The following MACROD2 variants were observed in gnomAD, a reference collection of about 807,000 sequenced individuals.
MACROD2 encodes the protein ADP-ribose glycohydrolase MACROD2.
Under a neutral mutation model 70.4 loss-of-function variants are expected in MACROD2, and 36 were observed. That is an observed-to-expected ratio of 0.51 (90% CI 0.39 to 0.68). MACROD2 has a LOEUF of 0.68. MACROD2 is among the 30% of genes least tolerant of loss of function. The pLI, the probability that MACROD2 is intolerant of heterozygous loss-of-function variation, is 0.00. For missense variants in MACROD2, 496 were observed against 538.4 expected (o/e 0.92, Z 0.78); for synonymous variants, 172 against 178.8 (o/e 0.96, Z 0.30).
At chr20:14,711,698 G>T (rs1035587264) in intron 5 of MACROD2, among the ~76,000 whole-genome samples, 8 of 152,010 alleles carry the variant, frequency 5.3e-5, no homozygotes, top group African/African-American at 1.9e-4. Context: ...CCCATTTTCA[G>T]AACTCTTCCA....
At chr20:14,755,541 C>T (rs763274740) in intron 5 of MACROD2, among the ~76,000 whole-genome samples, 1 of 152,024 alleles carries the variant, frequency 6.6e-6, no homozygotes, top group Admixed American at 6.5e-5. Context: ...AATTCATTGA[C>T]TATATAGCCT....
chr20:14,061,426 A>T (rs1270830193), intron 2 of MACROD2, among the ~76,000 whole-genome samples: 1 of 152,020 alleles, frequency 6.6e-6, no homozygotes, highest in African/African-American at 2.4e-5. Flanking sequence ...CTCCTTCAGG[A>T]CTGGTGCTTC....
intron 5 of MACROD2, among the ~76,000 whole-genome samples, chr20:14,995,905 T>G (rs970287053): frequency 2.6e-5 from 4 of 152,130 alleles, no homozygotes; most frequent in African/African-American, 9.7e-5. Context: ...AAACTTTCAG[T>G]TGAAGAAGCT....
At chr20:14,403,708 G>T (rs1315037654) in intron 3 of MACROD2, among the ~76,000 whole-genome samples, 1 of 152,100 alleles carries the variant, frequency 6.6e-6, no homozygotes, top group Admixed American at 6.6e-5. Context: ...TGTCAAAAAT[G>T]CTGCAAAATG....
intron 5 of MACROD2, among the ~76,000 whole-genome samples, chr20:15,044,746 C>T (rs1446657982): frequency 9.9e-5 from 15 of 152,156 alleles, no homozygotes. Context: ...CAGGGAATGT[C>T]ACTAGCTCTG....
intron 2 of MACROD2, among the ~76,000 whole-genome samples, chr20:14,054,859 G>T (rs1298698138): frequency 6.6e-6 from 1 of 152,068 alleles, no homozygotes; most frequent in Non-Finnish European, 1.5e-5. Flanking sequence ...TATTTTAGAA[G>T]AATTATTTAT....
At chr20:14,284,914 A>C (rs928925754) in intron 3 of MACROD2, among the ~76,000 whole-genome samples, 1 of 152,168 alleles carries the variant, frequency 6.6e-6, no homozygotes, top group African/African-American at 2.4e-5. Context: ...ATTATAACAA[A>C]CTCTTGATTA....
chr20:14,655,328 TG>T, intron 4 of MACROD2, among the ~76,000 whole-genome samples: 1 of 148,164 alleles, frequency 6.7e-6, no homozygotes, highest in Non-Finnish European at 1.5e-5. Flanking sequence ...ACTGTGTGTG[TG>T]TGTGTGTGTG....
At chr20:13,998,691 C>T (rs1050848741) in intron 1 of MACROD2, among the ~76,000 whole-genome samples, 1 of 152,226 alleles carries the variant, frequency 6.6e-6, no homozygotes, top group Middle Eastern at 3.4e-3. Context: ...CGCGGTGGCT[C>T]ACACCTGTAA....
chr20:14,418,732 C>A (rs941771230), intron 3 of MACROD2, among the ~76,000 whole-genome samples: 1 of 152,222 alleles, frequency 6.6e-6, no homozygotes, highest in African/African-American at 2.4e-5. Flanking sequence ...CTTGTTTTCA[C>A]TGAGAGAACA....
At chr20:14,000,003 A>G (rs544770528) in intron 1 of MACROD2, among the ~76,000 whole-genome samples, 7 of 152,092 alleles carry the variant, frequency 4.6e-5, no homozygotes, top group African/African-American at 1.4e-4. Context: ...ACAGAGCAAG[A>G]CTCTGTCTCA....
intron 5 of MACROD2, among the ~76,000 whole-genome samples, chr20:15,076,608 G>C (rs1022985536): frequency 6.6e-6 from 1 of 152,136 alleles, no homozygotes; most frequent in Non-Finnish European, 1.5e-5. Context: ...GTCTGTAGGA[G>C]ATATAGCTAC....
At chr20:15,827,437 A>G (rs901440070) in intron 8 of MACROD2, among the ~76,000 whole-genome samples, 2 of 152,228 alleles carry the variant, frequency 1.3e-5, no homozygotes, top group African/African-American at 4.8e-5. Context: ...AAATAAGATG[A>G]AAATTGCAAG....
intron 6 of MACROD2, among the ~76,000 whole-genome samples, chr20:15,406,724 C>A (rs1421591034): frequency 6.6e-6 from 1 of 152,138 alleles, no homozygotes; most frequent in Non-Finnish European, 1.5e-5. Flanking sequence ...GTGGAGGAGA[C>A]AAACAAATTG....
At chr20:15,091,960 T>C (rs1344355772) in intron 5 of MACROD2, among the ~76,000 whole-genome samples, 3 of 152,128 alleles carry the variant, frequency 2.0e-5, no homozygotes, top group African/African-American at 7.2e-5. Flanking sequence ...AATACTGAGT[T>C]CTTTGTAAGT....
At chr20:15,569,884 A>G (rs780003802) in intron 8 of MACROD2, among the ~76,000 whole-genome samples, 7 of 152,050 alleles carry the variant, frequency 4.6e-5, no homozygotes, top group Non-Finnish European at 1.0e-4. Context: ...TATTCGTTCA[A>G]CTGTTGATGG....
At chr20:14,676,123 A>G (rs1272207769) in intron 4 of MACROD2, among the ~76,000 whole-genome samples, 2 of 152,146 alleles carry the variant, frequency 1.3e-5, no homozygotes, top group East Asian at 1.9e-4. Context: ...CCCACTGTCA[A>G]TATTAGACAG....
intron 12 of MACROD2, among the ~76,000 whole-genome samples, chr20:15,952,514 C>T: frequency 6.6e-6 from 1 of 152,038 alleles, no homozygotes; most frequent in East Asian, 1.9e-4. Context: ...GGATATCCAA[C>T]CACCTGATTT....
chr20:14,054,359 T>C (rs1308565826), intron 2 of MACROD2, among the ~76,000 whole-genome samples: 1 of 151,900 alleles, frequency 6.6e-6, no homozygotes, highest in Non-Finnish European at 1.5e-5. Context: ...TGAGTGCAAG[T>C]TGTAGACCAT....
Sources: gnomAD v4.1 joint callset for allele counts (sites outside exome capture counted in the v4.1 genomes callset) on GRCh38, gnomAD v4.1.1 for gene constraint, MANE v1.5 for transcripts, NCBI Gene and HGNC (gene_info 2026-07-23, HGNC 2026-07-21) for gene names.